Variants in LONRF1 observed in about 807,000 individuals in gnomAD.
LONRF1 encodes the protein LON peptidase N-terminal domain and RING finger protein 1.
In LONRF1, 37 loss-of-function variants were observed where a neutral mutation model predicts 85.8. The ratio of observed to expected loss-of-function variants is 0.43; its 90% confidence interval spans 0.33 to 0.57. The LOEUF is 0.57. LONRF1 is among the 20% of genes least tolerant of loss of function. The pLI, the probability that LONRF1 is intolerant of heterozygous loss-of-function variation, is 0.04. For missense variants in LONRF1, 1,036 were observed against 978.0 expected, an observed-to-expected ratio of 1.06 and a Z score of -0.79; for synonymous variants, 517 against 390.1, an observed-to-expected ratio of 1.33 and a Z score of -3.83.
At chr8:12,743,049 G>T in intron 2 of LONRF1, 115 bp downstream of exon 2, 1 of 715,528 alleles carries the variant, frequency 1.4e-6, no homozygotes, top group Non-Finnish European at 2.5e-6. Context: ...TAGAGCACTA[G>T]ATATTTTATT....
At chr8:12,728,049 G>A (rs1461724124) in intron 10 of LONRF1, among the ~76,000 whole-genome samples, 1 of 152,158 alleles carries the variant, frequency 6.6e-6, no homozygotes, top group Non-Finnish European at 1.5e-5. Flanking sequence ...ATGAGTTAAT[G>A]TTTGTGAAAA....
At chr8:12,731,906 T>C in intron 7 of LONRF1, 49 bp from the exon 8 acceptor site, 6 of 1,562,042 alleles carry the variant, frequency 3.8e-6, no homozygotes, top group Middle Eastern at 1.7e-4. Flanking sequence ...TCCTACAGTA[T>C]AAAACAGGCA....
intron 9 of LONRF1, 41 bp downstream of exon 9, chr8:12,729,133 T>C (rs770741193): frequency 1.6e-5 from 26 of 1,612,602 alleles, no homozygotes; most frequent in Admixed American, 6.7e-5. Context: ...TATTGAGAGG[T>C]CTAACATAAA....
rs376359052 is a variant in LONRF1 at position 12,740,967 on chromosome 8, G to A, written c.870C>T (p.Cys290=). 2.8e-5 allele frequency: 45 copies of A among 1,613,290 alleles called. No homozygotes were observed. The highest frequency in any genetic ancestry group is 2.5e-4 in the Admixed American group (15 of 59,964). ...EVYFRKGKVL[C]DAGFLGDALQ... ...AGGCATCACCTAAAAAACCAGCATC[G>A]CAGAGTACTTTTCCTTTCCTGAAGT... Residue 290 remains cysteine (C), a synonymous_variant, in exon 3 of 12, where the codon TGC becomes TGT. Transcript: ENST00000398246.
At position 12,723,093 on chromosome 8, in the gene LONRF1, T is replaced by C. The variant is rs1805980213; in HGVS notation, c.*3A>G. The C allele has an allele frequency of 6.2e-7, 1 of 1,607,764 alleles. No individual in the cohort carries two copies. Among genetic ancestry groups the C allele is most frequent in the Non-Finnish European group, 8.5e-7 (1 of 1,176,900 alleles). On this transcript the variant is annotated 3_prime_UTR_variant, in exon 12 of 12. Transcript: ENST00000398246. The stretch of plus-strand genomic sequence containing the variant: ...CACTTTAAAGGGAGATCCAAAGAGT[T>C]AGTTACTTAGATTGGTCTCTAGAAA...
intron 2 of LONRF1, 21 bp from the exon 3 acceptor site, chr8:12,741,017 T>C (rs973648661): frequency 1.2e-6 from 2 of 1,609,494 alleles, no homozygotes; most frequent in African/African-American, 1.3e-5. Flanking sequence ...AGCAGATATA[T>C]AAAACCTTTG....
chr8:12,752,385 G>T (rs1249797080), intron 1 of LONRF1, among the ~76,000 whole-genome samples: 2 of 152,138 alleles, frequency 1.3e-5, no homozygotes, highest in Non-Finnish European at 2.9e-5. Flanking sequence ...TTAGCTCTGA[G>T]ATTTTTTTCC....
rs557698377 is a variant in LONRF1, at chr8:12,751,677, C to A, written c.721+3023G>T. ...ATTTTAAAACAAAATATCACCCCCCCACCTTACAACCTTTTTTTTTTTTTT... is the reference window on the plus strand; with the variant it reads ...ATTTTAAAACAAAATATCACCCCCCAACCTTACAACCTTTTTTTTTTTTTT... On this transcript the variant is annotated intron_variant, in intron 1 of 11. Coordinates refer to ENST00000398246, the MANE Select transcript of LONRF1 (RefSeq NM_152271.5). 8.6e-5 allele frequency among the ~76,000 whole-genome samples: 13 copies of A among 151,310 alleles called. No individual in the cohort carries two copies. The South Asian group carries it at 1.9e-3, about 22-fold the overall frequency.
At position 12,732,535 on chromosome 8, in the gene LONRF1, C is replaced by T. The variant is rs79077103; in HGVS notation, c.1567-678G>A. Among the ~76,000 whole-genome samples, 908 of 152,314 alleles carry T rather than the reference C, an allele frequency of 6.0e-3. 14 individuals carry two copies. The highest frequency in any genetic ancestry group is 0.021 in the African/African-American group (866 of 41,576). ...CCTAAATACTCTGAAAAAGTACTAT[C>T]CTCATGCATTTTTGTGTTATTCTCT... On this transcript the variant is annotated intron_variant, in intron 7 of 11. Transcript: ENST00000398246.
rs552901718 is a variant in LONRF1 at position 12,736,288 on chromosome 8, T to C, written c.1451+413A>G. Among the ~76,000 whole-genome samples the C allele has an allele frequency of 7.2e-5, 11 of 152,328 alleles. No individual in the cohort carries two copies. In the South Asian group the frequency reaches 2.3e-3, roughly 32 times the overall value. The stretch of plus-strand genomic sequence containing the variant: ...CTTATGTTACTTTAAAAAGACTTTA[T>C]GGTTAATATACATTAATAAGATAGG... On this transcript the variant is annotated intron_variant, in intron 6 of 11. Coordinates refer to ENST00000398246, the MANE Select transcript of LONRF1 (RefSeq NM_152271.5).
chr8:12,727,367 A>T (rs1479675917), intron 10 of LONRF1: 7 of 151,374 alleles, frequency 4.6e-5, no homozygotes, highest in Non-Finnish European at 1.0e-4. Context: ...TTAAAATTTC[A>T]TTAGAAGTCA....
At chr8:12,751,573 G>A (rs569161500) in intron 1 of LONRF1, among the ~76,000 whole-genome samples, 151 of 151,576 alleles carry the variant, frequency 1.0e-3, no homozygotes, top group African/African-American at 3.6e-3. Context: ...CCAAAGTGCT[G>A]GGATTACAGG....
chr8:12,741,917 G>C (rs907482238), intron 2 of LONRF1, among the ~76,000 whole-genome samples: 7 of 152,136 alleles, frequency 4.6e-5, no homozygotes, highest in Admixed American at 1.3e-4. Context: ...TCAGTCCTGT[G>C]GGTTGGTCCA....
chr8:12,723,338 A>G, intron 11 of LONRF1, 84 bp from the exon 12 acceptor site: 4 of 1,298,322 alleles, frequency 3.1e-6, no homozygotes, highest in Non-Finnish European at 4.3e-6. Flanking sequence ...ATTACTATTT[A>G]TTGAGCACTT....
intron 5 of LONRF1, 44 bp from the exon 6 acceptor site, chr8:12,736,841 T>G (rs1244891734): frequency 1.3e-6 from 2 of 1,582,724 alleles, no homozygotes; most frequent in African/African-American, 2.7e-5. Context: ...AGGAAAAACT[T>G]TAAAGACTAT....
chr8:12,736,823 T>C (rs760337604), intron 5 of LONRF1, 26 bp from the exon 6 acceptor site: 4 of 1,588,274 alleles, frequency 2.5e-6, no homozygotes, highest in South Asian at 2.3e-5. Flanking sequence ...CATGGGGTTT[T>C]CTTCCTTAGG....
chr8:12,750,579 G>T (rs1052404831), intron 1 of LONRF1, among the ~76,000 whole-genome samples: 7 of 152,160 alleles, frequency 4.6e-5, no homozygotes, highest in African/African-American at 1.7e-4. Context: ...CAAATAAGGG[G>T]AAACTACTGT....
rs557159009 is a variant in LONRF1 at position 12,752,763 on chromosome 8, T to C, written c.721+1937A>G. On this transcript the variant is annotated intron_variant, in intron 1 of 11. Coordinates refer to ENST00000398246, the MANE Select transcript of LONRF1 (RefSeq NM_152271.5). Reference sequence around the variant, plus strand: ...ATCAAAAGTGCTCACTGTTCTTCCATGGACCAGGACCTGGATTCTTGTGAA... The same window carrying C: ...ATCAAAAGTGCTCACTGTTCTTCCACGGACCAGGACCTGGATTCTTGTGAA... Among the ~76,000 whole-genome samples the C allele has an allele frequency of 1.6e-4, 25 of 152,346 alleles. 1 individual carries two copies. The South Asian group carries it at 4.8e-3, about 29-fold the overall frequency.
At chr8:12,746,419 C>A (rs1799154965) in intron 1 of LONRF1, among the ~76,000 whole-genome samples, 1 of 152,140 alleles carries the variant, frequency 6.6e-6, no homozygotes, top group African/African-American at 2.4e-5. Flanking sequence ...CTGAGCTCCT[C>A]CCTTACCATA....
Sources: gnomAD v4.1 joint callset for allele counts (sites outside exome capture counted in the v4.1 genomes callset) on GRCh38, gnomAD v4.1.1 for gene constraint, MANE v1.5 for transcripts, NCBI Gene and HGNC (gene_info 2026-07-23, HGNC 2026-07-21) for gene names.